The following KCTD16 variants were observed in gnomAD, a reference collection of about 807,000 sequenced individuals.
KCTD16 encodes the protein potassium channel tetramerization domain containing 16.
In KCTD16, 13 loss-of-function variants were observed where a neutral mutation model predicts 33.2. The ratio of observed to expected loss-of-function variants is 0.39; its 90% CI spans 0.25 to 0.62. The LOEUF (loss-of-function observed/expected upper bound fraction) is 0.62, where lower values mean the gene tolerates loss of function less well. Among genes scored for constraint, KCTD16 ranks in the 20% least tolerant of loss-of-function variants. KCTD16 has a pLI of 0.50. For missense variants in KCTD16, 441 were observed against 525.1 expected (o/e 0.84, Z 1.57); for synonymous variants, 197 against 195.3 (o/e 1.01, Z -0.07).
chr5:144,347,560 A>C (rs935354675), intron 3 of KCTD16, among the ~76,000 whole-genome samples: 1 of 152,226 alleles, frequency 6.6e-6, no homozygotes, highest in Admixed American at 6.5e-5. Flanking sequence ...GCACCATCGC[A>C]CTCTAGCCTG....
At chr5:144,356,096 A>T (rs371445123) in intron 3 of KCTD16, among the ~76,000 whole-genome samples, 1 of 152,162 alleles carries the variant, frequency 6.6e-6, no homozygotes. Context: ...AAAATTGTTA[A>T]GCCAGGGCCA....
At chr5:144,454,288 G>A (rs1044669903) in intron 3 of KCTD16, among the ~76,000 whole-genome samples, 1 of 152,094 alleles carries the variant, frequency 6.6e-6, no homozygotes, top group Non-Finnish European at 1.5e-5. Context: ...CATAAAACCA[G>A]AGCATTCATA....
chr5:144,225,922 T>A (rs937308944), intron 3 of KCTD16, among the ~76,000 whole-genome samples: 1 of 152,210 alleles, frequency 6.6e-6, no homozygotes, highest in African/African-American at 2.4e-5. Context: ...AGCAGCAAGC[T>A]TGCAACCAAA....
intron 3 of KCTD16, among the ~76,000 whole-genome samples, chr5:144,402,629 A>C (rs140244872): frequency 3.9e-4 from 60 of 152,306 alleles, no homozygotes; most frequent in African/African-American, 1.3e-3. Flanking sequence ...AAGATTTCAT[A>C]AGATAATCTC....
chr5:144,321,974 A>T (rs1580871308), intron 3 of KCTD16, among the ~76,000 whole-genome samples: 1 of 152,304 alleles, frequency 6.6e-6, no homozygotes, highest in East Asian at 1.9e-4. Context: ...GTAAATTGAG[A>T]GTGAAAGGAG....
intron 3 of KCTD16, among the ~76,000 whole-genome samples, chr5:144,264,444 T>A (rs1755089508): frequency 6.6e-6 from 1 of 152,166 alleles, no homozygotes; most frequent in Non-Finnish European, 1.5e-5. Context: ...GGGTTGTGGG[T>A]TTTCATTAAA....
At chr5:144,369,501 T>C (rs975897611) in intron 3 of KCTD16, 1 of 152,140 alleles carries the variant, frequency 6.6e-6, no homozygotes, top group Admixed American at 6.5e-5. Flanking sequence ...ACATCCCTAT[T>C]ACTATATGAT....
intron 3 of KCTD16, among the ~76,000 whole-genome samples, chr5:144,224,843 C>T (rs1162038308): frequency 6.6e-6 from 1 of 152,102 alleles, no homozygotes; most frequent in African/African-American, 2.4e-5. Flanking sequence ...ATTTAATTCC[C>T]ACAAAACCCC....
intron 3 of KCTD16, among the ~76,000 whole-genome samples, chr5:144,364,055 T>C (rs2052518): frequency 0.019 from 2,871 of 152,308 alleles, 80 homozygotes; most frequent in African/African-American, 0.065. Flanking sequence ...ATGGTTGCAT[T>C]CTTAAGTCCT....
chr5:144,405,967 T>G (rs1752801953), intron 3 of KCTD16, among the ~76,000 whole-genome samples: 1 of 152,184 alleles, frequency 6.6e-6, no homozygotes. Flanking sequence ...AACAAAGCCA[T>G]CAACTATTTA....
At chr5:144,237,057 A>G (rs922939857) in intron 3 of KCTD16, among the ~76,000 whole-genome samples, 2 of 151,922 alleles carry the variant, frequency 1.3e-5, no homozygotes, top group Non-Finnish European at 1.5e-5. Flanking sequence ...AAATACTACA[A>G]TATCTCTGCT....
At chr5:144,224,557 G>A (rs1753871099) in intron 3 of KCTD16, among the ~76,000 whole-genome samples, 1 of 152,060 alleles carries the variant, frequency 6.6e-6, no homozygotes, top group South Asian at 2.1e-4. Flanking sequence ...AACACAGCCG[G>A]AACACTTTCT....
intron 3 of KCTD16, among the ~76,000 whole-genome samples, chr5:144,234,997 A>T (rs1203335544): frequency 6.6e-6 from 1 of 152,084 alleles, no homozygotes; most frequent in Non-Finnish European, 1.5e-5. Context: ...GATGAAAGCT[A>T]AAAGCCATCC....
At chr5:144,466,592 T>C (rs114765638) in intron 3 of KCTD16, among the ~76,000 whole-genome samples, 2,612 of 152,228 alleles carry the variant, frequency 0.017, 35 homozygotes, top group Middle Eastern at 0.041. Context: ...CTGTTAATAC[T>C]TTTAAATATC....
intron 3 of KCTD16, among the ~76,000 whole-genome samples, chr5:144,401,473 A>G (rs1206364315): frequency 6.6e-6 from 1 of 152,120 alleles, no homozygotes; most frequent in Non-Finnish European, 1.5e-5. Flanking sequence ...AAAGTTAAAG[A>G]CATACCAATC....
At chr5:144,184,754 T>G (rs540032530) in intron 2 of KCTD16, among the ~76,000 whole-genome samples, 11 of 152,346 alleles carry the variant, frequency 7.2e-5, no homozygotes, top group Non-Finnish European at 1.6e-4. Context: ...TATTTGCATT[T>G]CCCTGATGAT....
At chr5:144,326,193 T>G (rs1369895661) in intron 3 of KCTD16, among the ~76,000 whole-genome samples, 1 of 152,186 alleles carries the variant, frequency 6.6e-6, no homozygotes, top group Non-Finnish European at 1.5e-5. Context: ...CTGTGACTAT[T>G]TTTCCTCATC....
At chr5:144,315,211 A>T (rs1017533223) in intron 3 of KCTD16, among the ~76,000 whole-genome samples, 1 of 152,176 alleles carries the variant, frequency 6.6e-6, no homozygotes, top group African/African-American at 2.4e-5. Flanking sequence ...GGAGCATTAG[A>T]GTTGCACCTA....
chr5:144,229,160 C>G (rs898656755), intron 3 of KCTD16, among the ~76,000 whole-genome samples: 1 of 152,182 alleles, frequency 6.6e-6, no homozygotes, highest in Non-Finnish European at 1.5e-5. Flanking sequence ...TCCTCACCAG[C>G]AGGCATGGGG....
Sources: allele counts gnomAD v4.1 joint callset (sites outside exome capture counted in the v4.1 genomes callset), GRCh38; gene constraint gnomAD v4.1.1; transcripts MANE v1.5; gene names NCBI Gene and HGNC (gene_info 2026-07-23, HGNC 2026-07-21).